Variants in HS2ST1 observed in about 807,000 individuals in gnomAD.
The protein encoded by HS2ST1 is heparan sulfate 2-O-sulfotransferase 1, also known as 2-O-sulfotransferase.
Under a neutral mutation model 42.9 loss-of-function variants are expected in HS2ST1, and 18 were observed. The ratio of observed to expected loss-of-function variants is 0.42; its 90% confidence interval spans 0.29 to 0.62. The LOEUF (loss-of-function observed/expected upper bound fraction) is 0.62. Among genes scored for constraint, HS2ST1 ranks in the 20% least tolerant of loss-of-function variants. The pLI, the probability that HS2ST1 is intolerant of heterozygous loss-of-function variation, is 0.21. For synonymous variants in HS2ST1, 146 were observed against 152.9 expected, an observed-to-expected ratio of 0.95 and a Z score of 0.33; for missense variants, 334 against 433.8, an observed-to-expected ratio of 0.77 and a Z score of 2.04.
intron 1 of HS2ST1, among the ~76,000 whole-genome samples, chr1:86,987,832 A>C (rs962787590): frequency 6.6e-6 from 1 of 152,260 alleles, no homozygotes; most frequent in Non-Finnish European, 1.5e-5. Flanking sequence ...AACCATTCAA[A>C]GAAACCAACC....
At chr1:86,948,528 C>G (rs1275115662) in intron 1 of HS2ST1, among the ~76,000 whole-genome samples, 1 of 152,144 alleles carries the variant, frequency 6.6e-6, no homozygotes, top group African/African-American at 2.4e-5. Flanking sequence ...ATTTATTTAA[C>G]CAGGCCTCTT....
At chr1:87,082,071 C>T (rs7556130) in intron 2 of HS2ST1, among the ~76,000 whole-genome samples, 3,628 of 151,804 alleles carry the variant, frequency 0.024, 73 homozygotes, top group African/African-American at 0.049. Context: ...GGAGACCTTA[C>T]AACTAATACC....
intron 1 of HS2ST1, among the ~76,000 whole-genome samples, chr1:86,988,169 G>A (rs1648845711): frequency 6.6e-6 from 1 of 152,212 alleles, no homozygotes; most frequent in Admixed American, 6.5e-5. Context: ...TCTGATGACT[G>A]ATGGAGCCAT....
intron 1 of HS2ST1, among the ~76,000 whole-genome samples, chr1:86,958,805 A>C (rs1647744516): frequency 6.6e-6 from 1 of 152,196 alleles, no homozygotes; most frequent in Admixed American, 6.5e-5. Context: ...TACAGACCAA[A>C]ATCTTTTGTG....
At chr1:86,946,576 C>T (rs1343241507) in intron 1 of HS2ST1, among the ~76,000 whole-genome samples, 1 of 152,194 alleles carries the variant, frequency 6.6e-6, no homozygotes, top group African/African-American at 2.4e-5. Context: ...TCTTAGGATT[C>T]TTTTTACAAA....
At chr1:87,036,035 A>C (rs998664454) in intron 1 of HS2ST1, among the ~76,000 whole-genome samples, 1 of 151,942 alleles carries the variant, frequency 6.6e-6, no homozygotes, top group Non-Finnish European at 1.5e-5. Context: ...ATGTGTTCTC[A>C]TTGTTCAACT....
chr1:86,985,521 CAT>C (rs1170750152), intron 1 of HS2ST1, among the ~76,000 whole-genome samples: 1 of 71,364 alleles, frequency 1.4e-5, no homozygotes, highest in African/African-American at 4.2e-5. Context: ...TATATATACA[CAT>C]ATATATACAT....
intron 1 of HS2ST1, among the ~76,000 whole-genome samples, chr1:87,013,758 A>G (rs1649671094): frequency 6.6e-6 from 1 of 152,172 alleles, no homozygotes; most frequent in African/African-American, 2.4e-5. Flanking sequence ...TTGTAAGTAC[A>G]TAAAGCTGAA....
At chr1:87,088,335 CTT>C (rs1412609376) in intron 3 of HS2ST1, among the ~76,000 whole-genome samples, 1 of 151,986 alleles carries the variant, frequency 6.6e-6, no homozygotes, top group Admixed American at 6.6e-5. Flanking sequence ...GTCATCAAGT[CTT>C]TTGAGTGTCT....
chr1:86,947,370 T>G (rs929289503), intron 1 of HS2ST1, among the ~76,000 whole-genome samples: 20 of 152,212 alleles, frequency 1.3e-4, no homozygotes, highest in African/African-American at 4.8e-4. Flanking sequence ...TCAGAAATTC[T>G]TAGTGTGTTA....
chr1:86,971,400 C>T (rs992625154), intron 1 of HS2ST1, among the ~76,000 whole-genome samples: 5 of 152,142 alleles, frequency 3.3e-5, no homozygotes, highest in African/African-American at 1.2e-4. Context: ...AACGGACCAC[C>T]TCCTTCTTAC....
At chr1:86,928,246 T>TA (rs1457681079) in intron 1 of HS2ST1, among the ~76,000 whole-genome samples, 1 of 152,104 alleles carries the variant, frequency 6.6e-6, no homozygotes, top group African/African-American at 2.4e-5. Context: ...TTTTCAGTGA[T>TA]AAAAAATATA....
At chr1:86,941,435 C>A (rs1193547801) in intron 1 of HS2ST1, among the ~76,000 whole-genome samples, 1 of 151,984 alleles carries the variant, frequency 6.6e-6, no homozygotes, top group Non-Finnish European at 1.5e-5. Flanking sequence ...TGTGTACCTA[C>A]TACTTGGCTT....
Position 86,943,262 on chromosome 1 carries a change from T to A in HS2ST1, c.124+28102T>A, listed in dbSNP as rs563598066. ...GGGTATTTATTATTATTTAAATGTC[T>A]GATACTGAGCTTTGCATCTTATTAT... is the stretch of plus-strand genomic sequence containing the variant. On this transcript the variant is annotated intron_variant, in intron 1 of 6. Coordinates refer to ENST00000370550, the MANE Select transcript of HS2ST1 (RefSeq NM_012262.4). Among the ~76,000 whole-genome samples the A allele has an allele frequency of 9.7e-4, 148 of 152,322 alleles. 1 individual carries two copies. Among genetic ancestry groups the A allele is most frequent in the African/African-American group, 3.4e-3 (140 of 41,568 alleles).
chr1:87,093,398 A>G (rs1189051417), intron 4 of HS2ST1, among the ~76,000 whole-genome samples: 1 of 152,052 alleles, frequency 6.6e-6, no homozygotes, highest in East Asian at 1.9e-4. Flanking sequence ...TATTCCCTAT[A>G]TTGAGAATGC....
chr1:87,025,648 T>C (rs1368554743), intron 1 of HS2ST1, among the ~76,000 whole-genome samples: 1 of 152,232 alleles, frequency 6.6e-6, no homozygotes, highest in African/African-American at 2.4e-5. Context: ...CGTGTACATA[T>C]ACTTTCCATC....
intron 1 of HS2ST1, among the ~76,000 whole-genome samples, chr1:86,968,528 C>T (rs1648129800): frequency 1.3e-5 from 2 of 152,006 alleles, no homozygotes; most frequent in Non-Finnish European, 2.9e-5. Flanking sequence ...CCTCAGCCTC[C>T]CGAGTAGCTG....
chr1:87,049,847 A>G (rs1293854159), intron 1 of HS2ST1, among the ~76,000 whole-genome samples: 1 of 152,070 alleles, frequency 6.6e-6, no homozygotes, highest in African/African-American at 2.4e-5. Flanking sequence ...TGTGAGCATG[A>G]TGGTGAAATC....
intron 1 of HS2ST1, among the ~76,000 whole-genome samples, chr1:86,994,014 C>A (rs1271547080): frequency 3.3e-5 from 5 of 152,012 alleles, no homozygotes; most frequent in Non-Finnish European, 5.9e-5. Context: ...AACTAAAATC[C>A]CCAGTATTTT....
Sources: gnomAD v4.1 joint callset for allele counts (sites outside exome capture counted in the v4.1 genomes callset) on GRCh38, gnomAD v4.1.1 for gene constraint, MANE v1.5 for transcripts, NCBI Gene and HGNC (gene_info 2026-07-23, HGNC 2026-07-21) for gene names.